The following SLC11A1 variants were observed in gnomAD, a reference collection of about 807,000 sequenced individuals.
SLC11A1 encodes the protein natural resistance-associated macrophage protein 1.
In SLC11A1, 59 loss-of-function variants were observed where a neutral mutation model predicts 63.2. The ratio of observed to expected loss-of-function variants is 0.93; its 90% CI spans 0.76 to 1.16. The LOEUF is 1.16. SLC11A1 is among the 50% of genes most tolerant of loss of function. SLC11A1 has a pLI of 0.00. For missense variants in SLC11A1, 688 were observed against 730.7 expected, an observed-to-expected ratio of 0.94 and a Z score of 0.67; for synonymous variants, 305 against 307.8, an observed-to-expected ratio of 0.99 and a Z score of 0.09.
chr2:218,385,517 A>G, intron 4 of SLC11A1: 1 of 521,492 alleles, frequency 1.9e-6, no homozygotes, highest in Non-Finnish European at 3.7e-6. Context: ...CAGCCTCTCA[A>G]GTAGCTGGGA....
intron 4 of SLC11A1, 163 bp downstream of exon 4, chr2:218,385,429 C>T (rs1202197360): frequency 4.0e-6 from 4 of 1,002,024 alleles, no homozygotes; most frequent in African/African-American, 1.6e-5. Flanking sequence ...CTCGCTCCGT[C>T]GCCCAGTCAG....
At chr2:218,383,147 T>C in intron 2 of SLC11A1, 45 bp downstream of exon 2, 1 of 1,601,740 alleles carries the variant, frequency 6.2e-7, no homozygotes, top group East Asian at 2.2e-5. Context: ...ATTGACAGGA[T>C]CCTGAAGGAT....
At chr2:218,387,980 G>A in intron 8 of SLC11A1, 25 bp downstream of exon 8, 2 of 1,573,524 alleles carry the variant, frequency 1.3e-6, no homozygotes, top group African/African-American at 1.3e-5. Context: ...GGGGAAAGGA[G>A]ACCCCCTCAC....
rs1402422918 is a variant in SLC11A1, at chr2:218,396,132, C to T, written c.*1097C>T. 4 of 152,254 alleles carry T rather than the reference C, an allele frequency of 2.6e-5. No homozygotes were observed. Among genetic ancestry groups the T allele is most frequent in the Non-Finnish European group, 4.4e-5 (3 of 68,058 alleles). The allele number at this position is 152,254 out of a possible 1,614,324, so 9.4% of individuals were successfully genotyped here. ...GCCCGCCATCCCGCCCCGGCCTCAC[C>T]CCTCCCCGCCAGGCGGAACGACGCG... On this transcript the variant is annotated 3_prime_UTR_variant, in exon 15 of 15. Coordinates refer to ENST00000233202, the MANE Select transcript of SLC11A1 (RefSeq NM_000578.4).
chr2:218,394,209 CCCAAG>C lies in SLC11A1; in HGVS notation c.1388+17_1388+21del. The C allele has an allele frequency of 6.2e-7, 1 of 1,612,876 alleles. No homozygotes were observed. The highest frequency in any genetic ancestry group is 1.1e-5 in the South Asian group (1 of 91,058). On this transcript the variant is annotated intron_variant, in intron 13 of 14. Coordinates refer to ENST00000233202, the MANE Select transcript of SLC11A1 (RefSeq NM_000578.4). Reference sequence around the variant, plus strand: ...CCAATGGCCTGTGAGTACCCCCTTTCCCAAGTGCTGGATTGCATCACCACATTTCA... The same window carrying C: ...CCAATGGCCTGTGAGTACCCCCTTTCTGCTGGATTGCATCACCACATTTCA...
chr2:218,387,721 T>C, intron 7 of SLC11A1, 79 bp from the exon 8 acceptor site: 1 of 1,609,516 alleles, frequency 6.2e-7, no homozygotes, highest in Non-Finnish European at 8.5e-7. Context: ...GGGGCTGGGG[T>C]GGGATGGAGG....
chr2:218,385,018 C>T lies in SLC11A1; in HGVS notation c.274-129C>T. The T allele has an allele frequency of 3.9e-6, 5 of 1,280,634 alleles. No individual in the cohort carries two copies. In the South Asian group the frequency reaches 6.7e-5, roughly 17 times the overall value. The allele number at this position is 1,280,634 out of a possible 1,614,324, so 79.3% of individuals were successfully genotyped here. On this transcript the variant is annotated intron_variant, in intron 3 of 14. Coordinates refer to ENST00000233202, the MANE Select transcript of SLC11A1 (RefSeq NM_000578.4). The stretch of plus-strand genomic sequence containing the variant: ...GATTACAGGGTGAGCTACCAGCGCC[C>T]AGCCAGGATGGGACTCCATCTCTCC...
chr2:218,396,019 G>A lies in SLC11A1; in HGVS notation c.*984G>A, dbSNP rs544866900. 1.3e-5 allele frequency: 2 copies of A among 152,370 alleles called. No homozygotes were observed. Among genetic ancestry groups the A allele is most frequent in the African/African-American group, 2.4e-5 (1 of 41,458 alleles). 9.4% of individuals were successfully genotyped at this position (152,370 alleles called of 1,614,324 possible). A position where few individuals can be genotyped will look rare whatever the true frequency, so the allele number is the denominator to read the frequency against. On this transcript the variant is annotated 3_prime_UTR_variant, in exon 15 of 15. Transcript: ENST00000233202. ...GCCCAAATTATTTGCTGTTTCCTCA[G>A]GGGAGCCGGCGGCCGCGACTCCCAC... is the stretch of plus-strand genomic sequence containing the variant.
chr2:218,388,208 A>C, intron 8 of SLC11A1: 1 of 437,854 alleles, frequency 2.3e-6, no homozygotes, highest in Non-Finnish European at 4.1e-6. Flanking sequence ...TCTCTACTAA[A>C]AATACAAAAA....
In SLC11A1 at chr2:218,384,147, G is replaced by C; in HGVS notation, c.151-96G>C. 7.4e-7 allele frequency: 1 copy of C among 1,353,592 alleles called. No individual in the cohort carries two copies. Among genetic ancestry groups the C allele is most frequent in the Non-Finnish European group, 9.9e-7 (1 of 1,011,448 alleles). The allele number at this position is 1,353,592 out of a possible 1,614,324, so 83.8% of individuals were successfully genotyped here. ...CCATGGAGGGCAGGGCTGGGCTGAT[G>C]AGCCTGTTGGGGCTCCTCTAGGGGA... On this transcript the variant is annotated intron_variant, in intron 2 of 14. Transcript: ENST00000233202. The surrounding 1 kb of genome is among the most constrained non-coding windows in gnomAD (Gnocchi z 4.0).
rs1220854913 is a variant in SLC11A1, at chr2:218,396,718, G to T, written c.*1683G>T. On this transcript the variant is annotated 3_prime_UTR_variant, in exon 15 of 15. Coordinates refer to ENST00000233202, the MANE Select transcript of SLC11A1 (RefSeq NM_000578.4). ...TCCATGCCAGCTGAAGGAGGAGATGGATGGGGGACGTTTAGCGAAGAAAGG... is the reference window on the plus strand; with the variant it reads ...TCCATGCCAGCTGAAGGAGGAGATGTATGGGGGACGTTTAGCGAAGAAAGG... 1 of 152,608 alleles carries T rather than the reference G, an allele frequency of 6.6e-6. No homozygotes were observed. The highest frequency in any genetic ancestry group is 2.4e-5 in the African/African-American group (1 of 41,464). The allele number at this position is 152,608 out of a possible 1,614,324, so 9.5% of individuals were successfully genotyped here. A position where few individuals can be genotyped will look rare whatever the true frequency, so the allele number is the denominator to read the frequency against.
intron 11 of SLC11A1, chr2:218,392,160 T>G: frequency 2.8e-6 from 1 of 359,034 alleles, no homozygotes; most frequent in Non-Finnish European, 5.7e-6. Context: ...AACCTCCACC[T>G]CCTGGGTTCA....
Position 218,396,270 on chromosome 2 carries a change from A to G in SLC11A1, c.*1235A>G, listed in dbSNP as rs1041275864. 1.3e-5 allele frequency: 2 copies of G among 152,280 alleles called. No individual in the cohort carries two copies. Among genetic ancestry groups the G allele is most frequent in the African/African-American group, 4.8e-5 (2 of 41,470 alleles). The allele number at this position is 152,280 out of a possible 1,614,324, so 9.4% of individuals were successfully genotyped here. A position where few individuals can be genotyped will look rare whatever the true frequency, so the allele number is the denominator to read the frequency against. On this transcript the variant is annotated 3_prime_UTR_variant, in exon 15 of 15. Transcript: ENST00000233202. ...CCTCTGCCTTAGGGAGCGGCTGGGC[A>G]CCCATTCGCCCCATTCAGGGGCTGC...
rs1296619197 is a variant in SLC11A1, at chr2:218,387,144, G to GCCACTCTGGTTTCAGAATC, written c.501-6_513dup. The GCCACTCTGGTTTCAGAATC allele has an allele frequency of 6.2e-7, 1 of 1,613,474 alleles. No individual in the cohort carries two copies. Among genetic ancestry groups the GCCACTCTGGTTTCAGAATC allele is most frequent in the Admixed American group, 1.7e-5 (1 of 60,000 alleles). ...CCTGGACCAGGCTGGGCTGACCCGG[G>GCCACTCTGGTTTCAGAATC]CCACTCTGGTTTCAGAATCCCACTC... On this transcript the variant is annotated splice_polypyrimidine_tract_variant and intron_variant, in intron 5 of 14. Transcript: ENST00000233202.
intron 3 of SLC11A1, 32 bp from the exon 4 acceptor site, chr2:218,385,115 C>T: frequency 6.2e-7 from 1 of 1,612,004 alleles, no homozygotes; most frequent in East Asian, 2.2e-5. Flanking sequence ...GCTGGCCTCT[C>T]TGGCTGAAGG....
At chr2:218,391,076 A>T in intron 9 of SLC11A1, 122 bp from the exon 10 acceptor site, 1 of 762,246 alleles carries the variant, frequency 1.3e-6, no homozygotes, top group East Asian at 2.6e-5. Flanking sequence ...CAAACAAAAT[A>T]TGTCTGGCCA....
In SLC11A1 at chr2:218,386,506, T is replaced by C. The variant is rs550014455; in HGVS notation, c.394-129T>C. 582 of 639,280 alleles carry C rather than the reference T, an allele frequency of 9.1e-4. 7 individuals carry two copies. In the South Asian group the frequency reaches 9.6e-3, roughly 11 times the overall value. The allele number at this position is 639,280 out of a possible 1,614,324, so 39.6% of individuals were successfully genotyped here. A position where few individuals can be genotyped will look rare whatever the true frequency, so the allele number is the denominator to read the frequency against. ...CTTTCCATCTCCTGTATGCTCTTCCTACATAAGGTAGGAAGCCCATTGGCC... is the reference window on the plus strand; with the variant it reads ...CTTTCCATCTCCTGTATGCTCTTCCCACATAAGGTAGGAAGCCCATTGGCC... On this transcript the variant is annotated intron_variant, in intron 4 of 14. Coordinates refer to ENST00000233202, the MANE Select transcript of SLC11A1 (RefSeq NM_000578.4).
At chr2:218,392,742 A>G (rs1326085821) in intron 11 of SLC11A1, 1 of 456,716 alleles carries the variant, frequency 2.2e-6, no homozygotes, top group African/African-American at 2.1e-5. Flanking sequence ...CAGACCCAGG[A>G]CTAACAGAAG....
At chr2:218,394,862 G>A in intron 14 of SLC11A1, 63 bp from the exon 15 acceptor site, 15 of 1,605,510 alleles carry the variant, frequency 9.3e-6, no homozygotes, top group Non-Finnish European at 1.2e-5. Flanking sequence ...GGTTTGGGGG[G>A]ACACAATGGG....
Sources: gnomAD v4.1 joint callset for allele counts on GRCh38, gnomAD v4.1.1 for gene constraint, Gnocchi (gnomAD v3.1) non-coding constraint, MANE v1.5 for transcripts, NCBI Gene and HGNC (gene_info 2026-07-23, HGNC 2026-07-21) for gene names.